Variants in GRM8 observed in about 807,000 individuals in gnomAD.
GRM8 encodes glutamate metabotropic receptor 8.
A neutral mutation model predicts 87.2 loss-of-function variants in GRM8; 47 were observed. The observed-to-expected ratio is 0.54, with a 90% CI of 0.43 to 0.69. The LOEUF is 0.69. GRM8 is among the 30% of genes least tolerant of loss of function. The pLI is 0.00. For synonymous variants in GRM8, 396 were observed against 404.5 expected, an observed-to-expected ratio of 0.98 and a Z score of 0.25; for missense variants, 1,019 against 1,139.2, an observed-to-expected ratio of 0.89 and a Z score of 1.52.
intron 8 of GRM8, among the ~76,000 whole-genome samples, chr7:126,542,634 T>C (rs1816673860): frequency 6.6e-6 from 1 of 152,194 alleles, no homozygotes; most frequent in African/African-American, 2.4e-5. Flanking sequence ...TAGAACATGG[T>C]GTGTATCAAT....
intron 3 of GRM8, among the ~76,000 whole-genome samples, chr7:126,920,737 T>C (rs1273657502): frequency 1.3e-5 from 2 of 152,102 alleles, no homozygotes; most frequent in African/African-American, 4.8e-5. Flanking sequence ...TGAGTTTCTA[T>C]AGAATAAAAG....
intron 9 of GRM8, among the ~76,000 whole-genome samples, chr7:126,503,527 G>C (rs1809957004): frequency 6.6e-6 from 1 of 151,946 alleles, no homozygotes; most frequent in South Asian, 2.1e-4. Flanking sequence ...TTTCATTGTT[G>C]TTAGCAAATC....
chr7:126,503,960 G>A (rs563683128), intron 9 of GRM8, among the ~76,000 whole-genome samples: 34 of 152,014 alleles, frequency 2.2e-4, no homozygotes, highest in Middle Eastern at 3.4e-3. Flanking sequence ...CTAATTCACC[G>A]CAGTCTTTGC....
At chr7:126,697,464 A>G (rs1167062953) in intron 7 of GRM8, among the ~76,000 whole-genome samples, 1 of 152,204 alleles carries the variant, frequency 6.6e-6, no homozygotes, top group Non-Finnish European at 1.5e-5. Flanking sequence ...GCTTGACCTT[A>G]GTATATTTCA....
At chr7:126,568,330 CT>C (rs1794417761) in intron 8 of GRM8, among the ~76,000 whole-genome samples, 1 of 152,050 alleles carries the variant, frequency 6.6e-6, no homozygotes, top group Admixed American at 6.6e-5. Context: ...TATTCCAAAA[CT>C]AAAATATTTC....
At chr7:126,956,892 C>T (rs949479452) in intron 3 of GRM8, among the ~76,000 whole-genome samples, 2 of 152,142 alleles carry the variant, frequency 1.3e-5, no homozygotes, top group African/African-American at 4.8e-5. Context: ...TCACTCAATA[C>T]AGAGCCGACT....
intron 9 of GRM8, among the ~76,000 whole-genome samples, chr7:126,470,320 C>A (rs1421567571): frequency 6.8e-6 from 1 of 147,412 alleles, no homozygotes; most frequent in Non-Finnish European, 1.5e-5. Context: ...AGGTATATCT[C>A]CCAATGCTAT....
intron 7 of GRM8, among the ~76,000 whole-genome samples, chr7:126,611,080 C>G (rs188118831): frequency 6.6e-6 from 1 of 152,076 alleles, no homozygotes; most frequent in African/African-American, 2.4e-5. Context: ...ATTATTATTA[C>G]TATTATTATT....
intron 8 of GRM8, among the ~76,000 whole-genome samples, chr7:126,563,878 A>G (rs1437978135): frequency 1.3e-5 from 2 of 152,230 alleles, no homozygotes; most frequent in Non-Finnish European, 2.9e-5. Flanking sequence ...CATGTGTGAA[A>G]GTGTACATTA....
intron 9 of GRM8, among the ~76,000 whole-genome samples, chr7:126,504,217 A>C (rs1197966300): frequency 6.6e-6 from 1 of 152,050 alleles, no homozygotes; most frequent in Admixed American, 6.6e-5. Flanking sequence ...TATAATTATC[A>C]AATGTTTTAT....
intron 2 of GRM8, among the ~76,000 whole-genome samples, chr7:127,240,337 A>G (rs1274733840): frequency 6.6e-6 from 1 of 151,964 alleles, no homozygotes; most frequent in African/African-American, 2.4e-5. Context: ...GTCCTGATGG[A>G]AGCCTTCCTG....
At chr7:126,806,950 A>T (rs1792830359) in intron 6 of GRM8, among the ~76,000 whole-genome samples, 1 of 152,160 alleles carries the variant, frequency 6.6e-6, no homozygotes, top group African/African-American at 2.4e-5. Flanking sequence ...GGGCCCCCAC[A>T]GCTCAGCGGT....
chr7:126,676,249 A>G (rs1335028111), intron 7 of GRM8, among the ~76,000 whole-genome samples: 1 of 152,226 alleles, frequency 6.6e-6, no homozygotes. Flanking sequence ...ATGGAAAAAC[A>G]TCCCATGCTT....
At chr7:126,892,496 A>G (rs1323715577) in intron 6 of GRM8, among the ~76,000 whole-genome samples, 2 of 152,002 alleles carry the variant, frequency 1.3e-5, no homozygotes, top group African/African-American at 2.4e-5. Context: ...ATAGTATTCC[A>G]TGGTGTATAT....
At chr7:126,485,958 G>A (rs1349701286) in intron 9 of GRM8, among the ~76,000 whole-genome samples, 1 of 151,982 alleles carries the variant, frequency 6.6e-6, no homozygotes, top group Admixed American at 6.6e-5. Flanking sequence ...CTAAGGCCAT[G>A]CAAGGCAAGC....
chr7:126,715,040 C>G lies in GRM8; in HGVS notation c.1357+54825G>C, dbSNP rs142367175. On this transcript the variant is annotated intron_variant, in intron 7 of 10. Transcript: ENST00000339582. ...ATCTCAATCTATGGTACATATCAAG[C>G]AAGCCAACTTTTTCCTGTAATGTCG... Among the ~76,000 whole-genome samples the G allele has an allele frequency of 2.8e-3, 429 of 152,314 alleles. 7 individuals are homozygous for G. The highest frequency in any genetic ancestry group is 9.8e-3 in the African/African-American group (409 of 41,574).
intron 7 of GRM8, among the ~76,000 whole-genome samples, chr7:126,696,963 A>C (rs1387287171): frequency 6.6e-6 from 1 of 152,148 alleles, no homozygotes; most frequent in African/African-American, 2.4e-5. Context: ...AAGATATGAA[A>C]GCAACCTAAG....
At chr7:126,706,922 G>A (rs146525418) in intron 7 of GRM8, among the ~76,000 whole-genome samples, 1 of 152,120 alleles carries the variant, frequency 6.6e-6, no homozygotes, top group East Asian at 1.9e-4. Context: ...ATGCTCACTG[G>A]GGTCCTAGTC....
At chr7:126,859,810 C>G (rs1378114317) in intron 6 of GRM8, among the ~76,000 whole-genome samples, 1 of 152,056 alleles carries the variant, frequency 6.6e-6, no homozygotes, top group Non-Finnish European at 1.5e-5. Flanking sequence ...ATGGTAAATC[C>G]TGGGTCATTG....
Sources: allele counts gnomAD v4.1 joint callset (sites outside exome capture counted in the v4.1 genomes callset), GRCh38; gene constraint gnomAD v4.1.1; transcripts MANE v1.5; gene names NCBI Gene and HGNC (gene_info 2026-07-23, HGNC 2026-07-21).